Variants in DDX18 observed in about 807,000 individuals in gnomAD.
DDX18 encodes the protein ATP-dependent RNA helicase DDX18.
Under a neutral mutation model 73.5 loss-of-function variants are expected in DDX18, and 23 were observed. The ratio of observed to expected loss-of-function variants is 0.31; its 90% CI spans 0.23 to 0.44. The LOEUF (loss-of-function observed/expected upper bound fraction) is 0.44. Among genes scored for constraint, DDX18 ranks in the 20% least tolerant of loss-of-function variants. DDX18 has a pLI of 1.00. For synonymous variants in DDX18, 268 were observed against 282.7 expected, an observed-to-expected ratio of 0.95 and a Z score of 0.52; for missense variants, 753 against 792.9, an observed-to-expected ratio of 0.95 and a Z score of 0.60.
In DDX18 at chr2:117,824,578, A is replaced by G. The variant is rs746664738; in HGVS notation, c.1076A>G (p.Gln359Arg). 6.9e-7 allele frequency: 1 copy of G among 1,444,748 alleles called. No individual in the cohort carries two copies. Among genetic ancestry groups the G allele is most frequent in the South Asian group, 1.6e-5 (1 of 60,792 alleles). 89.5% of individuals were successfully genotyped at this position (1,444,748 alleles called of 1,614,324 possible). A position where few individuals can be genotyped will look rare whatever the true frequency, so the allele number is the denominator to read the frequency against. The change falls in exon 8 of 14, where the codon CAG (glutamine) becomes CGG (arginine). Residue 359 changes from glutamine to arginine, a missense_variant. Physicochemically the swap from Gln to Arg is conservative, Grantham distance 43. Around this residue, in one of 3 missense-constraint regions of DDX18, gnomAD observed 402 missense variants for 419.4 expected, o/e 0.96. Coordinates refer to ENST00000263239, the MANE Select transcript of DDX18 (RefSeq NM_006773.4). ...TATGTATCTGTTTCAGCACGTAGAC[A>G]GACTATGCTCTTTTCTGCCACCCAA... ...QIIKLLPTRR[Q>R]TMLFSATQTR...
At chr2:117,829,611 G>A (rs1679989433) in intron 13 of DDX18, 145 bp downstream of exon 13, 5 of 801,934 alleles carry the variant, frequency 6.2e-6, no homozygotes, top group Non-Finnish European at 7.9e-6. Flanking sequence ...CTGCTTTTCT[G>A]TGCTAGCACA....
chr2:117,829,202 G>T, intron 12 of DDX18, 87 bp from the exon 13 acceptor site: 1 of 1,396,972 alleles, frequency 7.2e-7, no homozygotes, highest in Non-Finnish European at 9.7e-7. Flanking sequence ...CCATGGAGTG[G>T]CTTTGCTCTA....
chr2:117,828,453 AT>A (rs1679970260), intron 11 of DDX18: 1 of 152,140 alleles, frequency 6.6e-6, no homozygotes, highest in African/African-American at 2.4e-5. Context: ...TTAGGTACCT[AT>A]TTTCTCTCTA....
intron 4 of DDX18, 131 bp downstream of exon 4, chr2:117,821,427 T>C: frequency 4.1e-6 from 5 of 1,231,246 alleles, no homozygotes; most frequent in Non-Finnish European, 4.5e-6. Context: ...ATTAAAGGCT[T>C]TAAGTTAATT....
intron 11 of DDX18, 25 bp downstream of exon 11, chr2:117,826,407 A>T (rs1387761572): frequency 1.2e-6 from 2 of 1,600,330 alleles, no homozygotes; most frequent in East Asian, 2.2e-5. Flanking sequence ...TTGGAGAAAG[A>T]TTTCTCTTGG....
In DDX18 at chr2:117,821,932, G is replaced by A; in HGVS notation, c.822G>A (p.Leu274=). The A allele has an allele frequency of 1.2e-6, 2 of 1,614,072 alleles. No individual in the cohort carries two copies. The highest frequency in any genetic ancestry group is 2.2e-5 in the South Asian group (2 of 91,084). The part of the protein sequence containing the change: ...AMQTFGVLKE[L]MTHHVHTYGL... The stretch of plus-strand genomic sequence containing the variant: ...AAACCTTTGGTGTTCTTAAGGAGCT[G>A]ATGACTCACCACGTGCATACCTATG... The change falls in exon 6 of 14, where the codon CTG becomes CTA. Residue 274 remains leucine, a synonymous_variant. Coordinates refer to ENST00000263239, the MANE Select transcript of DDX18 (RefSeq NM_006773.4).
Position 117,814,761 on chromosome 2 carries a change from G to C in DDX18, c.-17G>C. On this transcript the variant is annotated 5_prime_UTR_variant, in exon 1 of 14. Transcript: ENST00000263239. ...CTGTACTGTGTGGCGCCTTATTCTA[G>C]GCACTTGTTGGGCAGAATGTCACAC... 6.2e-7 allele frequency: 1 copy of C among 1,614,060 alleles called. No homozygotes were observed. Among genetic ancestry groups the C allele is most frequent in the Non-Finnish European group, 8.5e-7 (1 of 1,179,930 alleles).
intron 7 of DDX18, among the ~76,000 whole-genome samples, chr2:117,823,281 T>C (rs1037759357): frequency 1.3e-5 from 2 of 152,210 alleles, no homozygotes; most frequent in African/African-American, 2.4e-5. Flanking sequence ...GAAGACAGTA[T>C]TGAGTCATGT....
intron 11 of DDX18, chr2:117,827,028 C>G (rs2104626025): frequency 6.5e-6 from 1 of 153,400 alleles, no homozygotes; most frequent in African/African-American, 2.4e-5. Context: ...TACTATCACA[C>G]CAGAATTGAA....
chr2:117,824,894 A>G lies in DDX18; in HGVS notation c.1207-46A>G, dbSNP rs183703797. ...AATTACACAAGTTAGGAAATGGAAA[A>G]TGTCCACTTGGTTCATTTGTATCTG... On this transcript the variant is annotated intron_variant, in intron 8 of 13. Coordinates refer to ENST00000263239, the MANE Select transcript of DDX18 (RefSeq NM_006773.4). 3.2e-6 allele frequency: 5 copies of G among 1,556,080 alleles called. No homozygotes were observed. In the East Asian group the frequency reaches 1.1e-4, roughly 35 times the overall value.
At chr2:117,819,989 G>GT (rs1403664266) in intron 3 of DDX18, among the ~76,000 whole-genome samples, 197 bp downstream of exon 3, 2 of 152,034 alleles carry the variant, frequency 1.3e-5, no homozygotes, top group African/African-American at 4.8e-5. Context: ...TTTGTTCCCT[G>GT]TTTTTTTCCT....
Position 117,817,525 on chromosome 2 carries a change from C to T in DDX18, c.167C>T (p.Ser56Leu). Residue 56 changes from serine to leucine, a missense_variant, in exon 2 of 14, where the codon TCA (serine) becomes TTA (leucine). Transcript: ENST00000263239. ...ATGGGAAGTAGAAAGGTTAAAAAAT[C>T]AAAACAAAAGCCCATGAATGTGGGC... ...ETMGSRKVKK[S>L]KQKPMNVGLS... 6.2e-7 allele frequency: 1 copy of T among 1,613,546 alleles called. No homozygotes were observed.
chr2:117,817,509 A>G lies in DDX18; in HGVS notation c.151A>G (p.Arg51Gly). Residue 51 changes from arginine to glycine, a missense_variant, in exon 2 of 14, where the codon AGA becomes GGA. Coordinates refer to ENST00000263239, the MANE Select transcript of DDX18 (RefSeq NM_006773.4). The stretch of plus-strand genomic sequence containing the variant: ...TGTATCTGAAGAAACAATGGGAAGT[A>G]GAAAGGTTAAAAAATCAAAACAAAA... Reference protein sequence around the residue: ...GDVSEETMGSRKVKKSKQKPM... With the variant: ...GDVSEETMGSGKVKKSKQKPM... The G allele has an allele frequency of 1.2e-6, 2 of 1,613,692 alleles. No individual in the cohort carries two copies. Among genetic ancestry groups the G allele is most frequent in the African/African-American group, 1.3e-5 (1 of 74,974 alleles).
intron 7 of DDX18, among the ~76,000 whole-genome samples, chr2:117,823,726 T>C (rs1327197884): frequency 6.6e-6 from 1 of 152,182 alleles, no homozygotes; most frequent in East Asian, 1.9e-4. Flanking sequence ...TTATCTTGGT[T>C]CTGATCTTAG....
At chr2:117,826,008 C>G (rs1679919471) in intron 10 of DDX18, 1 of 392,422 alleles carries the variant, frequency 2.5e-6, no homozygotes, top group African/African-American at 2.2e-5. Context: ...TATTAGATCG[C>G]TGTTAATGCA....
chr2:117,821,305 A>G lies in DDX18; in HGVS notation c.650+9A>G, dbSNP rs1223415386. On this transcript the variant is annotated intron_variant, in intron 4 of 13. Coordinates refer to ENST00000263239, the MANE Select transcript of DDX18 (RefSeq NM_006773.4). ...CCACTTCTGGAAGGCAGGTATGATT[A>G]ACATTGAAGCTTAGATATTGGCATC... 2 of 1,595,792 alleles carry G rather than the reference A, an allele frequency of 1.3e-6. No homozygotes were observed. Among genetic ancestry groups the G allele is most frequent in the African/African-American group, 2.7e-5 (2 of 73,718 alleles).
chr2:117,822,297 A>T, intron 7 of DDX18, 36 bp downstream of exon 7: 1 of 1,518,844 alleles, frequency 6.6e-7, no homozygotes, highest in Non-Finnish European at 9.1e-7. Flanking sequence ...TTTGCAAAGT[A>T]TCTGTTGGAG....
chr2:117,824,777 T>C lies in DDX18; in HGVS notation c.1206+69T>C, dbSNP rs537542027. On this transcript the variant is annotated intron_variant, in intron 8 of 13. Transcript: ENST00000263239. ...TGTTTTTATGTAATTGTTGGAAGGA[T>C]CATTCAGAAAGCAAATGGGTTAATG... 3.8e-4 allele frequency: 564 copies of C among 1,479,880 alleles called. 2 individuals carry two copies. In the African/African-American group the frequency reaches 7.4e-3, roughly 19 times the overall value. 91.7% of individuals were successfully genotyped at this position (1,479,880 alleles called of 1,614,324 possible). A position where few individuals can be genotyped will look rare whatever the true frequency, so the allele number is the denominator to read the frequency against.
Position 117,831,977 on chromosome 2 carries a change from C to T in DDX18, c.*1253C>T, listed in dbSNP as rs1214701228. On this transcript the variant is annotated 3_prime_UTR_variant, in exon 14 of 14. Coordinates refer to ENST00000263239, the MANE Select transcript of DDX18 (RefSeq NM_006773.4). ...GAATATAGAGAAAACTGGTAAAGAA[C>T]ATTCCAGTAGGAAAAGAAAAGAACA... The T allele has an allele frequency of 1.3e-5, 2 of 152,190 alleles. No individual in the cohort carries two copies. Among genetic ancestry groups the T allele is most frequent in the Admixed American group, 1.3e-4 (2 of 15,278 alleles). The allele number at this position is 152,190 out of a possible 1,614,324, so 9.4% of individuals were successfully genotyped here.
Sources: allele counts gnomAD v4.1 joint callset (sites outside exome capture counted in the v4.1 genomes callset), GRCh38; gene constraint gnomAD v4.1.1; regional missense constraint gnomAD v4.1.1; transcripts MANE v1.5; gene names NCBI Gene and HGNC (gene_info 2026-07-23, HGNC 2026-07-21).